Variants in PRICKLE1 observed in about 807,000 individuals in gnomAD.
PRICKLE1 encodes prickle-like protein 1.
PRICKLE1 carries 14 observed loss-of-function variants against 70.2 expected under a neutral mutation model. The ratio of observed to expected loss-of-function variants is 0.20; its 90% CI spans 0.13 to 0.31. The LOEUF is 0.31. Ranked by LOEUF, PRICKLE1 falls within the 10% of genes least tolerant of loss-of-function variation. The probability of loss-of-function intolerance (pLI) is 1.00; values close to 1 mark genes in which losing one functional copy is unlikely to be tolerated. For synonymous variants in PRICKLE1, 357 were observed against 379.9 expected (o/e 0.94, Z 0.70); for missense variants, 821 against 1,026.2 (o/e 0.80, Z 2.73).
chr12:42,497,242 A>C (rs1290631670), intron 1 of PRICKLE1, among the ~76,000 whole-genome samples: 1 of 152,160 alleles, frequency 6.6e-6, no homozygotes, highest in African/African-American at 2.4e-5. Flanking sequence ...GAGTAGTCAG[A>C]ACACACAAAA....
intron 3 of PRICKLE1, 21 bp from the exon 4 acceptor site, chr12:42,469,608 A>T: frequency 6.2e-7 from 1 of 1,613,808 alleles, no homozygotes; most frequent in Non-Finnish European, 8.5e-7. Flanking sequence ...AGCAAAACAG[A>T]AACACCACAC....
chr12:42,547,090 T>A (rs779126907), intron 1 of PRICKLE1, among the ~76,000 whole-genome samples: 1 of 152,190 alleles, frequency 6.6e-6, no homozygotes, highest in Non-Finnish European at 1.5e-5. Flanking sequence ...CAACAGGAGG[T>A]GTGAAGTTAC....
In PRICKLE1 at chr12:42,589,634, C is replaced by G. The variant is rs1941047390; in HGVS notation, c.-218G>C. On this transcript the variant is annotated 5_prime_UTR_variant, in exon 1 of 8. Coordinates refer to ENST00000345127, the MANE Select transcript of PRICKLE1 (RefSeq NM_153026.3). This position sits in a 1 kb window ranked among gnomAD's most constrained non-coding sequence, Gnocchi z 5.0. ...CAGAAAGTCTCCGTGCCGACCGCGGCGCGTCTCGGGGAAGTCAGCGCAGGC... is the reference window on the plus strand; with the variant it reads ...CAGAAAGTCTCCGTGCCGACCGCGGGGCGTCTCGGGGAAGTCAGCGCAGGC... The G allele has an allele frequency of 6.6e-6, 1 of 152,240 alleles. No homozygotes were observed. Among genetic ancestry groups the G allele is most frequent in the South Asian group, 2.0e-4 (1 of 5,048 alleles). 9.4% of individuals were successfully genotyped at this position (152,240 alleles called of 1,614,324 possible). A position where few individuals can be genotyped will look rare whatever the true frequency, so the allele number is the denominator to read the frequency against.
chr12:42,471,396 T>C (rs1345445834), intron 2 of PRICKLE1, among the ~76,000 whole-genome samples: 1 of 152,198 alleles, frequency 6.6e-6, no homozygotes, highest in Non-Finnish European at 1.5e-5. Flanking sequence ...TCTACTTCAA[T>C]ACCTTAGTAC....
rs754532709 is a variant in PRICKLE1, at chr12:42,472,508, CA to C, written c.8del (p.Leu3TrpfsTer7). 5.6e-6 allele frequency: 9 copies of C among 1,614,056 alleles called. No homozygotes were observed. The highest frequency in any genetic ancestry group is 5.0e-5 in the Admixed American group (3 of 60,004). On this transcript the variant is annotated frameshift_variant, in exon 2 of 8. Transcript: ENST00000345127. LOFTEE classifies it high-confidence loss of function. ...GTTTGCTCATCTTGGGCTCCATCTCCAAAGGCATAAAGTTTAAAGCCTGGTT... is the reference window on the plus strand; with the variant it reads ...GTTTGCTCATCTTGGGCTCCATCTCCAAGGCATAAAGTTTAAAGCCTGGTT... The part of the protein sequence containing the change: MP[L>X]EMEPKMSKLA...
chr12:42,580,063 C>T (rs2120792083), intron 1 of PRICKLE1, among the ~76,000 whole-genome samples: 1 of 152,018 alleles, frequency 6.6e-6, no homozygotes, highest in South Asian at 2.1e-4. Flanking sequence ...TTAGTAGAGG[C>T]AGGGTTTCAC....
intron 1 of PRICKLE1, among the ~76,000 whole-genome samples, chr12:42,506,725 A>T (rs1939426589): frequency 6.6e-6 from 1 of 151,246 alleles, no homozygotes; most frequent in Admixed American, 6.6e-5. Context: ...GGTACCCACC[A>T]CCATGCCCGG....
At chr12:42,526,844 G>A (rs767208240) in intron 1 of PRICKLE1, among the ~76,000 whole-genome samples, 12 of 151,986 alleles carry the variant, frequency 7.9e-5, no homozygotes, top group Non-Finnish European at 1.3e-4. Flanking sequence ...TGACGACGAT[G>A]ATGATGATGA....
chr12:42,477,202 G>T (rs1369754785), intron 1 of PRICKLE1, among the ~76,000 whole-genome samples: 3 of 151,470 alleles, frequency 2.0e-5, no homozygotes, highest in African/African-American at 4.8e-5. Flanking sequence ...GAGAAACCCC[G>T]TCTCTACTAA....
chr12:42,543,560 T>C (rs894124356), intron 1 of PRICKLE1, among the ~76,000 whole-genome samples: 4 of 152,130 alleles, frequency 2.6e-5, no homozygotes, highest in African/African-American at 9.7e-5. Flanking sequence ...TCTCGCTCTG[T>C]CGCCCAGTCT....
At chr12:42,544,918 G>A (rs1476777696) in intron 1 of PRICKLE1, among the ~76,000 whole-genome samples, 1 of 151,914 alleles carries the variant, frequency 6.6e-6, no homozygotes, top group African/African-American at 2.4e-5. Context: ...CACATATGAG[G>A]ATTAGCTGCT....
chr12:42,460,702 C>T (rs1329020104), intron 7 of PRICKLE1, 37 bp from the exon 8 acceptor site: 2 of 1,600,708 alleles, frequency 1.2e-6, no homozygotes, highest in East Asian at 4.5e-5. Context: ...GCTTCTCAAT[C>T]ATCCTAATAT....
chr12:42,512,968 TA>T (rs1464905712), intron 1 of PRICKLE1, among the ~76,000 whole-genome samples: 1 of 151,704 alleles, frequency 6.6e-6, no homozygotes, highest in Non-Finnish European at 1.5e-5. Flanking sequence ...TTATTATTAT[TA>T]TTATTGTTAT....
intron 6 of PRICKLE1, chr12:42,465,860 C>T (rs560210132): frequency 5.3e-5 from 21 of 398,238 alleles, no homozygotes; most frequent in African/African-American, 1.4e-4. Flanking sequence ...CAAAAACACA[C>T]GTGAAACAAG....
intron 1 of PRICKLE1, among the ~76,000 whole-genome samples, chr12:42,488,044 A>T (rs1356171841): frequency 6.6e-6 from 1 of 152,140 alleles, no homozygotes; most frequent in Non-Finnish European, 1.5e-5. Context: ...CTGTCTCCAA[A>T]ACATAAATAA....
intron 1 of PRICKLE1, among the ~76,000 whole-genome samples, chr12:42,549,080 C>T (rs546300754): frequency 1.5e-5 from 2 of 136,834 alleles, no homozygotes; most frequent in East Asian, 4.6e-4. Flanking sequence ...GATCGGGCCA[C>T]TGCACTCCAG....
rs376451709 is a variant in PRICKLE1, at chr12:42,575,738, C to T, written c.-49+13727G>A. Among the ~76,000 whole-genome samples the T allele has an allele frequency of 3.9e-5, 6 of 152,058 alleles. 1 individual carries two copies. The highest frequency in any genetic ancestry group is 2.1e-4 in the South Asian group (1 of 4,804). ...AATAAAAAACTTGCAATTCACTAAGCATAACGCTTGTCTAATGTTTCCTGC... is the reference window on the plus strand; with the variant it reads ...AATAAAAAACTTGCAATTCACTAAGTATAACGCTTGTCTAATGTTTCCTGC... On this transcript the variant is annotated intron_variant, in intron 1 of 7. Coordinates refer to ENST00000345127, the MANE Select transcript of PRICKLE1 (RefSeq NM_153026.3).
At chr12:42,535,546 G>C (rs1460845304) in intron 1 of PRICKLE1, among the ~76,000 whole-genome samples, 1 of 152,184 alleles carries the variant, frequency 6.6e-6, no homozygotes, top group Non-Finnish European at 1.5e-5. Flanking sequence ...TGAGAAAATT[G>C]TTTGAGAATC....
intron 1 of PRICKLE1, among the ~76,000 whole-genome samples, chr12:42,582,672 C>T (rs181694471): frequency 6.6e-4 from 101 of 152,318 alleles, no homozygotes; most frequent in African/African-American, 2.4e-3. Flanking sequence ...TATTTCAAAG[C>T]AAAACAACAT....
Sources: gnomAD v4.1 joint callset for allele counts (sites outside exome capture counted in the v4.1 genomes callset) on GRCh38, gnomAD v4.1.1 for gene constraint, Gnocchi (gnomAD v3.1) non-coding constraint, MANE v1.5 for transcripts, NCBI Gene and HGNC (gene_info 2026-07-23, HGNC 2026-07-21) for gene names.